Variants in PCBP3 observed in about 807,000 individuals in gnomAD.
PCBP3 encodes the protein poly(rC)-binding protein 3.
A neutral mutation model predicts 52.7 loss-of-function variants in PCBP3; 25 were observed. That is an observed-to-expected ratio of 0.47 (90% confidence interval 0.35 to 0.66). PCBP3 has a LOEUF of 0.66. Ranked by LOEUF, PCBP3 falls within the 30% of genes least tolerant of loss-of-function variation. The pLI, the probability that PCBP3 is intolerant of heterozygous loss-of-function variation, is 0.01. For missense variants in PCBP3, 391 were observed against 490.3 expected, an observed-to-expected ratio of 0.80 and a Z score of 1.91; for synonymous variants, 162 against 183.0, an observed-to-expected ratio of 0.89 and a Z score of 0.93.
chr21:45,865,634 A>T (rs922711053), intron 5 of PCBP3, among the ~76,000 whole-genome samples: 1 of 151,512 alleles, frequency 6.6e-6, no homozygotes. Context: ...CTGGGTCCTG[A>T]CTCATTTGGG....
In PCBP3 at chr21:45,805,758, T is replaced by C. The variant is rs1008393412; in HGVS notation, c.-125-44203T>C. Among the ~76,000 whole-genome samples, 1 of 152,010 alleles carries C rather than the reference T, an allele frequency of 6.6e-6. No homozygotes were observed. The highest frequency in any genetic ancestry group is 1.5e-5 in the Non-Finnish European group (1 of 67,998). On this transcript the variant is annotated intron_variant, in intron 4 of 17. Coordinates refer to ENST00000681687, the MANE Select transcript of PCBP3 (RefSeq NM_001384156.1). The surrounding 1 kb of genome is among the most constrained non-coding windows in gnomAD (Gnocchi z 4.6). ...TCTTTCTGTGGTGGTAAAGGTGACA[T>C]CCCCTCCTAGCAGCTGCACACTGGA...
chr21:45,677,521 A>G (rs2081544034), intron 2 of PCBP3, among the ~76,000 whole-genome samples: 1 of 152,240 alleles, frequency 6.6e-6, no homozygotes, highest in African/African-American at 2.4e-5. Context: ...AGAATATGTA[A>G]GAGAATAGAT....
intron 3 of PCBP3, among the ~76,000 whole-genome samples, chr21:45,738,400 G>A (rs1425305929): frequency 2.0e-5 from 3 of 151,576 alleles, no homozygotes; most frequent in Non-Finnish European, 4.4e-5. Context: ...GACTACAGAC[G>A]CCCGCCACCA....
intron 4 of PCBP3, among the ~76,000 whole-genome samples, chr21:45,826,162 G>C (rs1358629251): frequency 6.6e-6 from 1 of 152,038 alleles, no homozygotes; most frequent in Non-Finnish European, 1.5e-5. Context: ...GGAGGCTGAG[G>C]CAGGAGAACT....
rs947213817 is a variant in PCBP3, at chr21:45,805,200, G to A, written c.-125-44761G>A. On this transcript the variant is annotated intron_variant, in intron 4 of 17. Transcript: ENST00000681687. The surrounding 1 kb of genome is among the most constrained non-coding windows in gnomAD (Gnocchi z 4.6). The stretch of plus-strand genomic sequence containing the variant: ...GCCACAGCCACACCCCTGTGGCCTG[G>A]CCCCCATGGCAGGGTCTAAGGCTGT... 1.8e-4 allele frequency among the ~76,000 whole-genome samples: 28 copies of A among 152,190 alleles called. No individual in the cohort carries two copies. Among genetic ancestry groups the A allele is most frequent in the African/African-American group, 6.3e-4 (26 of 41,436 alleles).
chr21:45,765,936 G>A (rs1328847665), intron 4 of PCBP3, among the ~76,000 whole-genome samples: 1 of 152,226 alleles, frequency 6.6e-6, no homozygotes, highest in African/African-American at 2.4e-5. Context: ...GCCTTCAGAA[G>A]TCTCCTGGAG....
At chr21:45,900,550 A>G (rs778594483) in intron 7 of PCBP3, 41 bp from the exon 8 acceptor site, 12 of 1,566,428 alleles carry the variant, frequency 7.7e-6, no homozygotes, top group African/African-American at 5.4e-5. Flanking sequence ...CCTCAGAGCC[A>G]GAGGGATACC....
At chr21:45,841,307 A>G (rs1282772249) in intron 4 of PCBP3, among the ~76,000 whole-genome samples, 2 of 149,524 alleles carry the variant, frequency 1.3e-5, no homozygotes, top group Admixed American at 6.6e-5. Context: ...AACCTTTTTT[A>G]CCTCTCTTTC....
chr21:45,669,661 A>G (rs1362899761), intron 2 of PCBP3, among the ~76,000 whole-genome samples: 5 of 151,760 alleles, frequency 3.3e-5, no homozygotes, highest in African/African-American at 1.2e-4. Flanking sequence ...ACTTCATATA[A>G]GTGAAGTCAT....
intron 4 of PCBP3, among the ~76,000 whole-genome samples, chr21:45,777,072 T>C (rs2090316495): frequency 6.6e-6 from 1 of 152,226 alleles, no homozygotes; most frequent in Non-Finnish European, 1.5e-5. Context: ...GGTTTAGGAC[T>C]CCCTTGAGCA....
At chr21:45,824,887 C>G (rs1279831766) in intron 4 of PCBP3, among the ~76,000 whole-genome samples, 1 of 152,254 alleles carries the variant, frequency 6.6e-6, no homozygotes, top group Non-Finnish European at 1.5e-5. Flanking sequence ...GTGAGACTGT[C>G]ATCAGCAGTA....
At chr21:45,833,629 C>T (rs978196631) in intron 4 of PCBP3, among the ~76,000 whole-genome samples, 1 of 152,216 alleles carries the variant, frequency 6.6e-6, no homozygotes, top group Non-Finnish European at 1.5e-5. Context: ...CACGGGCCAC[C>T]CCCCTGAGCA....
chr21:45,891,858 C>T (rs923329856), intron 5 of PCBP3, among the ~76,000 whole-genome samples: 2 of 152,344 alleles, frequency 1.3e-5, no homozygotes, highest in Admixed American at 1.3e-4. Flanking sequence ...GCCCCGGGGC[C>T]TCTGCGCCCC....
intron 17 of PCBP3, among the ~76,000 whole-genome samples, chr21:45,941,255 C>T (rs990218859): frequency 2.0e-5 from 3 of 152,164 alleles, no homozygotes; most frequent in African/African-American, 7.2e-5. Flanking sequence ...CCTGCCAGAC[C>T]GCATTACTGA....
intron 6 of PCBP3, among the ~76,000 whole-genome samples, chr21:45,898,076 T>C (rs557557023): frequency 1.1e-4 from 17 of 152,092 alleles, no homozygotes; most frequent in African/African-American, 3.9e-4. Flanking sequence ...ACCCAGAGCA[T>C]TCATTCCTGC....
At chr21:45,854,550 G>A (rs952203916) in intron 5 of PCBP3, among the ~76,000 whole-genome samples, 1 of 152,122 alleles carries the variant, frequency 6.6e-6, no homozygotes, top group African/African-American at 2.4e-5. Flanking sequence ...TTAGTCTGCT[G>A]TCTTCAGGGT....
Position 45,741,343 on chromosome 21 carries a change from G to A in PCBP3, c.-162+5914G>A, listed in dbSNP as rs900787086. 2.6e-5 allele frequency among the ~76,000 whole-genome samples: 4 copies of A among 152,206 alleles called. No homozygotes were observed. The highest frequency in any genetic ancestry group is 5.9e-5 in the Non-Finnish European group (4 of 68,028). On this transcript the variant is annotated intron_variant, in intron 3 of 17. Transcript: ENST00000681687. The surrounding 1 kb of genome is among the most constrained non-coding windows in gnomAD (Gnocchi z 4.5). ...AGCAGAAACATTGTGCAAGAAGGGA[G>A]CTGCAGCATCAGGTGTGGGTACCAG...
chr21:45,914,143 C>G (rs1450134822), intron 12 of PCBP3, 118 bp downstream of exon 12: 1 of 1,538,954 alleles, frequency 6.5e-7, no homozygotes, highest in Non-Finnish European at 8.8e-7. Context: ...GTCTCCCACC[C>G]GTGCTGGAGG....
At chr21:45,784,789 G>A (rs1187219285) in intron 4 of PCBP3, among the ~76,000 whole-genome samples, 3 of 152,212 alleles carry the variant, frequency 2.0e-5, no homozygotes, top group African/African-American at 7.2e-5. Flanking sequence ...CTGGAGTGCA[G>A]TGGCGTGATC....
Sources: gnomAD v4.1 joint callset for allele counts (sites outside exome capture counted in the v4.1 genomes callset) on GRCh38, gnomAD v4.1.1 for gene constraint, Gnocchi (gnomAD v3.1) non-coding constraint, MANE v1.5 for transcripts, NCBI Gene and HGNC (gene_info 2026-07-23, HGNC 2026-07-21) for gene names.